NFIB: variants seen among roughly 807,000 people sequenced by gnomAD.
The protein encoded by NFIB is nuclear factor 1 B-type.
A neutral mutation model predicts 61.5 loss-of-function variants in NFIB; 11 were observed. That is an observed-to-expected ratio of 0.18 (90% CI 0.11 to 0.30). The LOEUF is 0.30. NFIB is among the 10% of genes least tolerant of loss of function. The pLI is 1.00. For synonymous variants in NFIB, 260 were observed against 216.5 expected (o/e 1.20, Z -1.76); for missense variants, 471 against 608.9 (o/e 0.77, Z 2.38).
intron 1 of NFIB, among the ~76,000 whole-genome samples, chr9:14,375,275 C>T (rs757542500): frequency 1.3e-5 from 2 of 152,170 alleles, no homozygotes; most frequent in Non-Finnish European, 2.9e-5. Flanking sequence ...ATCATTTATT[C>T]TCTCCAATCA....
intron 1 of NFIB, among the ~76,000 whole-genome samples, chr9:14,335,391 T>C (rs1015656929): frequency 6.6e-6 from 1 of 152,252 alleles, no homozygotes; most frequent in African/African-American, 2.4e-5. Flanking sequence ...TTCTAGTAAG[T>C]ATGTAGTGTA....
At chr9:14,520,361 A>G in the NFIB span, among the ~76,000 whole-genome samples, 2 of 152,236 alleles carry the variant, frequency 1.3e-5, no homozygotes, top group Admixed American at 1.3e-4. Flanking sequence ...ATGATCTAAG[A>G]TAAGAATTCA....
At chr9:14,143,517 T>A (rs577436757) in intron 6 of NFIB, among the ~76,000 whole-genome samples, 72 of 152,258 alleles carry the variant, frequency 4.7e-4, no homozygotes, top group Non-Finnish European at 8.2e-4. Flanking sequence ...AAGAACAGAT[T>A]TTAATGCAAA....
chr9:14,412,274 T>C, the NFIB span, among the ~76,000 whole-genome samples: 1 of 152,236 alleles, frequency 6.6e-6, no homozygotes, highest in African/African-American at 2.4e-5. Flanking sequence ...CTCATCCATG[T>C]GTCTGACTCT....
chr9:14,148,175 T>G (rs1483115899), intron 5 of NFIB, among the ~76,000 whole-genome samples: 1 of 152,102 alleles, frequency 6.6e-6, no homozygotes, highest in Non-Finnish European at 1.5e-5. Flanking sequence ...CAGGCTGGAG[T>G]GCAGTTGCAT....
intron 2 of NFIB, among the ~76,000 whole-genome samples, chr9:14,257,528 G>A (rs771730334): frequency 2.0e-5 from 3 of 152,158 alleles, no homozygotes; most frequent in Non-Finnish European, 4.4e-5. Flanking sequence ...GGCCAAGGTG[G>A]GTGGATCACC....
the NFIB span, among the ~76,000 whole-genome samples, chr9:14,515,112 C>T: frequency 1.6e-4 from 24 of 151,958 alleles, no homozygotes; most frequent in East Asian, 3.9e-3. Flanking sequence ...GCTGGGATGG[C>T]GGTTGTTAGA....
At chr9:14,375,703 C>T (rs1329645945) in intron 1 of NFIB, among the ~76,000 whole-genome samples, 2 of 151,960 alleles carry the variant, frequency 1.3e-5, no homozygotes, top group African/African-American at 4.8e-5. Flanking sequence ...ACTTACAGCT[C>T]ATTGGTCAGA....
the NFIB span, among the ~76,000 whole-genome samples, chr9:14,419,799 G>A: frequency 6.6e-6 from 1 of 152,140 alleles, no homozygotes; most frequent in Non-Finnish European, 1.5e-5. Flanking sequence ...CATACACACT[G>A]CCCACGCAGC....
At chr9:14,393,131 T>C (rs1459561866) in intron 1 of NFIB, among the ~76,000 whole-genome samples, 2 of 152,076 alleles carry the variant, frequency 1.3e-5, no homozygotes, top group African/African-American at 2.4e-5. Flanking sequence ...TCTCTCACCT[T>C]TCTGTGTAGA....
intron 2 of NFIB, among the ~76,000 whole-genome samples, chr9:14,244,918 T>C (rs1381166835): frequency 1.3e-5 from 2 of 152,222 alleles, no homozygotes; most frequent in African/African-American, 4.8e-5. Flanking sequence ...TCATCTCTGA[T>C]TCCATGACAT....
At chr9:14,466,826 C>G in the NFIB span, among the ~76,000 whole-genome samples, 387 of 152,156 alleles carry the variant, frequency 2.5e-3, 1 homozygote, top group Non-Finnish European at 4.8e-3. Context: ...GCAATTTGCC[C>G]CAGATTTTGA....
chr9:14,525,180 G>A, the NFIB span, among the ~76,000 whole-genome samples: 1 of 152,158 alleles, frequency 6.6e-6, no homozygotes, highest in South Asian at 2.1e-4. Context: ...TTAACACAGA[G>A]GGAGAGCTGA....
chr9:14,095,987 A>G (rs1230058041), intron 10 of NFIB, among the ~76,000 whole-genome samples: 1 of 152,162 alleles, frequency 6.6e-6, no homozygotes, highest in Admixed American at 6.6e-5. Context: ...CATTTCTTTT[A>G]TCATTTATTA....
intron 2 of NFIB, among the ~76,000 whole-genome samples, chr9:14,195,943 A>T (rs749940449): frequency 1.3e-5 from 2 of 152,182 alleles, no homozygotes; most frequent in Non-Finnish European, 2.9e-5. Context: ...AATAACTGAA[A>T]GTTCCCTATT....
chr9:14,374,525 C>T (rs1017747950), intron 1 of NFIB, among the ~76,000 whole-genome samples: 20 of 152,160 alleles, frequency 1.3e-4, no homozygotes, highest in Admixed American at 3.3e-4. Context: ...GGGTTGTTTA[C>T]AAAGGAGAGA....
intron 2 of NFIB, among the ~76,000 whole-genome samples, chr9:14,198,872 A>T (rs1039195494): frequency 2.0e-5 from 3 of 152,052 alleles, no homozygotes; most frequent in Admixed American, 6.5e-5. Flanking sequence ...ACCAATCTCC[A>T]CTTTTCTCCC....
At chr9:14,341,120 C>CTTTGG in intron 1 of NFIB, among the ~76,000 whole-genome samples, 1 of 152,296 alleles carries the variant, frequency 6.6e-6, no homozygotes, top group African/African-American at 2.4e-5. Flanking sequence ...GAATGCAAGA[C>CTTTGG]AGGGCTTTGG....
chr9:14,348,910 C>G (rs1437259457), intron 1 of NFIB, among the ~76,000 whole-genome samples: 1 of 152,192 alleles, frequency 6.6e-6, no homozygotes, highest in African/African-American at 2.4e-5. Flanking sequence ...ACATTAAAAA[C>G]AAAAAAACCT....
Sources: gnomAD v4.1 joint callset for allele counts (sites outside exome capture counted in the v4.1 genomes callset) on GRCh38, gnomAD v4.1.1 for gene constraint, MANE v1.5 for transcripts, NCBI Gene and HGNC (gene_info 2026-07-23, HGNC 2026-07-21) for gene names.